The following MTREX variants were observed in gnomAD, a reference collection of about 807,000 sequenced individuals.
The protein encoded by MTREX is exosome RNA helicase MTR4.
MTREX carries 76 observed loss-of-function variants against 135.4 expected under a neutral mutation model. The observed-to-expected ratio is 0.56, with a 90% CI of 0.47 to 0.68. The LOEUF is 0.68. Ranked by LOEUF, MTREX falls within the 30% of genes least tolerant of loss-of-function variation. The probability of loss-of-function intolerance (pLI) is 0.00; values close to 1 mark genes in which losing one functional copy is unlikely to be tolerated. For synonymous variants in MTREX, 404 were observed against 401.6 expected (o/e 1.01, Z -0.07); for missense variants, 920 against 1,262.1 (o/e 0.73, Z 4.11).
chr5:55,372,673 A>C (rs1750222494), intron 16 of MTREX, among the ~76,000 whole-genome samples: 3 of 152,178 alleles, frequency 2.0e-5, no homozygotes, highest in Non-Finnish European at 4.4e-5. Context: ...TAGTGCTGAA[A>C]CAAAAGGATT....
chr5:55,373,604 T>A (rs1750242807), intron 16 of MTREX, among the ~76,000 whole-genome samples: 1 of 152,204 alleles, frequency 6.6e-6, no homozygotes, highest in South Asian at 2.1e-4. Flanking sequence ...TGTGTTTTTT[T>A]GAGTTTTGTG....
chr5:55,318,162 C>G (rs1425470300), intron 1 of MTREX, among the ~76,000 whole-genome samples: 1 of 152,158 alleles, frequency 6.6e-6, no homozygotes, highest in Non-Finnish European at 1.5e-5. Flanking sequence ...TCACTTATAA[C>G]TGTTGGTGGG....
chr5:55,391,322 G>A (rs1026357724), intron 19 of MTREX, among the ~76,000 whole-genome samples: 15 of 151,848 alleles, frequency 9.9e-5, no homozygotes, highest in Non-Finnish European at 1.9e-4. Context: ...TGGCATGTGC[G>A]TGTAGTCCCT....
chr5:55,396,052 GA>G (rs1236479739), intron 19 of MTREX, among the ~76,000 whole-genome samples: 1 of 152,184 alleles, frequency 6.6e-6, no homozygotes, highest in Non-Finnish European at 1.5e-5. Context: ...TATGTGTGTA[GA>G]AAGAGAACGA....
chr5:55,424,534 T>TTGTA (rs1751116806), intron 26 of MTREX, 186 bp from the exon 27 acceptor site: 3 of 558,248 alleles, frequency 5.4e-6, no homozygotes, highest in Admixed American at 3.1e-5. Context: ...GGGGTCTGGC[T>TTGTA]TGTATGTTTT....
intron 18 of MTREX, among the ~76,000 whole-genome samples, chr5:55,385,064 G>T (rs1445181514): frequency 6.6e-6 from 1 of 152,112 alleles, no homozygotes; most frequent in Non-Finnish European, 1.5e-5. Context: ...AATAAAATCT[G>T]GTCCTTTGGG....
intron 21 of MTREX, among the ~76,000 whole-genome samples, chr5:55,400,758 T>G (rs1750712278): frequency 6.6e-6 from 1 of 152,232 alleles, no homozygotes; most frequent in African/African-American, 2.4e-5. Context: ...CACCACTATG[T>G]AACTTCAGAA....
At chr5:55,358,460 T>C in intron 14 of MTREX, 113 bp from the exon 15 acceptor site, 1 of 905,514 alleles carries the variant, frequency 1.1e-6, no homozygotes, top group South Asian at 1.9e-5. Context: ...TTAATCATGT[T>C]TCCTTTCTTA....
intron 5 of MTREX, among the ~76,000 whole-genome samples, chr5:55,337,780 T>C (rs1749577019): frequency 6.7e-6 from 1 of 148,798 alleles, no homozygotes; most frequent in South Asian, 2.1e-4. Context: ...TCTTTTGGTA[T>C]ATTTCTCATG....
At position 55,422,895 on chromosome 5, in the gene MTREX, A is replaced by G. The variant is rs781302165; in HGVS notation, c.2989A>G (p.Met997Val). The change falls in exon 26 of 27, where the codon ATG becomes GTG. Residue 997 changes from methionine to valine, a missense_variant. By Grantham distance (21) the Met-to-Val change is conservative. This residue lies in a region of MTREX where 467 missense variants were observed against 589.7 expected (regional missense o/e 0.79). Transcript: ENST00000230640. ...DVFEGSIIRC[M>V]RRLEELLRQM... ...CTATCCAGGCAGCATAATTCGTTGT[A>G]TGAGGCGCCTGGAAGAATTGCTTCG... 8.1e-6 allele frequency: 13 copies of G among 1,613,640 alleles called. No homozygotes were observed. Among genetic ancestry groups the G allele is most frequent in the Non-Finnish European group, 1.1e-5 (13 of 1,179,718 alleles).
chr5:55,412,134 T>C (rs892901038), intron 23 of MTREX, among the ~76,000 whole-genome samples: 4 of 152,274 alleles, frequency 2.6e-5, no homozygotes, highest in Admixed American at 6.5e-5. Context: ...TCAATTCTTG[T>C]GGTGGCGCCT....
At position 55,425,168 on chromosome 5, in the gene MTREX, G is replaced by T. The variant is rs753053209; in HGVS notation, c.*396G>T. 1.9e-6 allele frequency: 3 copies of T among 1,588,728 alleles called. No individual in the cohort carries two copies. The highest frequency in any genetic ancestry group is 2.6e-6 in the Non-Finnish European group (3 of 1,171,656). On this transcript the variant is annotated 3_prime_UTR_variant, in exon 27 of 27. Transcript: ENST00000230640. Reference sequence around the variant, plus strand: ...GCCTTGTGGCAATCATTTTCCTTTAGAAAACAGGCCAGCTTCACCTGGGCA... The same window carrying T: ...GCCTTGTGGCAATCATTTTCCTTTATAAAACAGGCCAGCTTCACCTGGGCA...
intron 21 of MTREX, among the ~76,000 whole-genome samples, chr5:55,403,213 CAAAA>C (rs1750752026): frequency 6.6e-6 from 1 of 150,852 alleles, no homozygotes; most frequent in African/African-American, 2.4e-5. Flanking sequence ...TAAAAAAAAA[CAAAA>C]ACAAAAAAAA....
chr5:55,420,479 G>T (rs1751037305), intron 25 of MTREX, among the ~76,000 whole-genome samples: 1 of 152,146 alleles, frequency 6.6e-6, no homozygotes, highest in Non-Finnish European at 1.5e-5. Flanking sequence ...TGTGGTTTTT[G>T]CCATTTTTAA....
At chr5:55,353,689 T>C (rs1749864167) in intron 14 of MTREX, among the ~76,000 whole-genome samples, 1 of 152,090 alleles carries the variant, frequency 6.6e-6, no homozygotes, top group African/African-American at 2.4e-5. Context: ...GAGGACAGAG[T>C]GAGACCCTGT....
intron 18 of MTREX, among the ~76,000 whole-genome samples, chr5:55,380,580 T>A (rs1378189692): frequency 2.6e-5 from 4 of 152,216 alleles, no homozygotes; most frequent in Admixed American, 2.6e-4. Flanking sequence ...TATATTACAT[T>A]AACTGGTTTT....
At chr5:55,355,916 C>G (rs1749903672) in intron 14 of MTREX, among the ~76,000 whole-genome samples, 1 of 152,186 alleles carries the variant, frequency 6.6e-6, no homozygotes, top group South Asian at 2.1e-4. Flanking sequence ...GGTCCTGAGG[C>G]TATAGAACAC....
intron 23 of MTREX, among the ~76,000 whole-genome samples, chr5:55,412,091 C>T (rs1032785108): frequency 2.0e-5 from 3 of 152,140 alleles, no homozygotes; most frequent in Non-Finnish European, 4.4e-5. Flanking sequence ...AAGATTTATT[C>T]AGTGAAACCA....
intron 22 of MTREX, among the ~76,000 whole-genome samples, chr5:55,408,502 T>A (rs946294485): frequency 6.6e-6 from 1 of 152,164 alleles, no homozygotes; most frequent in Admixed American, 6.6e-5. Context: ...CCAAATTTAG[T>A]TTTTGACTTT....
Sources: allele counts gnomAD v4.1 joint callset (sites outside exome capture counted in the v4.1 genomes callset), GRCh38; gene constraint gnomAD v4.1.1; regional missense constraint gnomAD v4.1.1; transcripts MANE v1.5; gene names NCBI Gene and HGNC (gene_info 2026-07-23, HGNC 2026-07-21).